Variants in FBXW10B observed in about 807,000 individuals in gnomAD.
FBXW10B encodes the protein F-box and WD repeat domain containing protein 10B.
the FBXW10B span, chr17:15,612,781 C>A: frequency 2.5e-6 from 4 of 1,614,026 alleles, no homozygotes; most frequent in Non-Finnish European, 2.5e-6. Context: ...GGGATAGAAA[C>A]CTTATTGGCA....
At chr17:15,606,498 G>A in the FBXW10B span, among the ~76,000 whole-genome samples, 54 of 150,056 alleles carry the variant, frequency 3.6e-4, no homozygotes, top group African/African-American at 1.2e-3. Flanking sequence ...CTGCAGCCCA[G>A]CCTGGACGAC....
chr17:15,603,377 A>G, the FBXW10B span, among the ~76,000 whole-genome samples: 2 of 152,066 alleles, frequency 1.3e-5, no homozygotes, highest in South Asian at 4.1e-4. Context: ...CACACAAGTC[A>G]ATGCTTTATA....
the FBXW10B span, chr17:15,613,937 T>C: frequency 2.5e-6 from 4 of 1,598,306 alleles, no homozygotes; most frequent in Non-Finnish European, 3.4e-6. Context: ...AACCAATAGA[T>C]TGCAGGGATC....
At chr17:15,575,267 A>G in the FBXW10B span, among the ~76,000 whole-genome samples, 3 of 144,074 alleles carry the variant, frequency 2.1e-5, no homozygotes, top group Admixed American at 2.0e-4. Context: ...TTTCTATCTT[A>G]TGGTCTTCCG....
At chr17:15,606,981 GTC>G in the FBXW10B span, among the ~76,000 whole-genome samples, 1 of 152,260 alleles carries the variant, frequency 6.6e-6, no homozygotes, top group South Asian at 2.1e-4. Flanking sequence ...AAGGACCTTC[GTC>G]TCTCGGCATA....
At chr17:15,591,376 G>C in the FBXW10B span, among the ~76,000 whole-genome samples, 1 of 151,996 alleles carries the variant, frequency 6.6e-6, no homozygotes, top group African/African-American at 2.4e-5. Flanking sequence ...TGCAACCTCC[G>C]CCTCCTGGGT....
At chr17:15,615,801 G>C in the FBXW10B span, 7 of 1,613,876 alleles carry the variant, frequency 4.3e-6, no homozygotes, top group Non-Finnish European at 5.9e-6. Flanking sequence ...GTGATGTCTT[G>C]ATTGAGCCCT....
chr17:15,588,938 C>T, the FBXW10B span: 14 of 1,613,660 alleles, frequency 8.7e-6, no homozygotes, highest in Non-Finnish European at 1.2e-5. Context: ...CTCACAGGAG[C>T]CCTGGGGCTC....
At chr17:15,611,772 G>T in the FBXW10B span, among the ~76,000 whole-genome samples, 1 of 152,132 alleles carries the variant, frequency 6.6e-6, no homozygotes, top group Non-Finnish European at 1.5e-5. Flanking sequence ...CAGGTGGGGG[G>T]GCGCAGAAAT....
At chr17:15,578,813 T>A in the FBXW10B span, among the ~76,000 whole-genome samples, 1 of 152,138 alleles carries the variant, frequency 6.6e-6, no homozygotes, top group East Asian at 1.9e-4. Flanking sequence ...AATTCAGGGG[T>A]CACCACGTAC....
chr17:15,584,968 C>CT, the FBXW10B span, among the ~76,000 whole-genome samples: 75,450 of 125,998 alleles, frequency 0.6, 26,151 homozygotes, highest in Non-Finnish European at 0.78. Context: ...CCTTCTTCTT[C>CT]TTTTTTTTTT....
the FBXW10B span, among the ~76,000 whole-genome samples, chr17:15,582,883 T>G: frequency 6.6e-6 from 1 of 151,568 alleles, no homozygotes; most frequent in Non-Finnish European, 1.5e-5. Context: ...GAAGATAGAT[T>G]AAAGATACAA....
the FBXW10B span, among the ~76,000 whole-genome samples, chr17:15,608,081 T>C: frequency 1.3e-5 from 2 of 151,836 alleles, no homozygotes; most frequent in Non-Finnish European, 2.9e-5. Context: ...ATATTACATC[T>C]ACCTGATAGT....
chr17:15,593,691 C>G, the FBXW10B span, among the ~76,000 whole-genome samples: 213 of 147,922 alleles, frequency 1.4e-3, no homozygotes, highest in African/African-American at 5.0e-3. Flanking sequence ...TGCAACGGTG[C>G]GATCTTGGCT....
At chr17:15,594,204 G>A in the FBXW10B span, among the ~76,000 whole-genome samples, 1 of 152,028 alleles carries the variant, frequency 6.6e-6, no homozygotes, top group Admixed American at 6.5e-5. Flanking sequence ...TGGGCAAGGT[G>A]GCTCACGCCT....
the FBXW10B span, among the ~76,000 whole-genome samples, chr17:15,600,534 T>C: frequency 6.7e-5 from 10 of 149,062 alleles, no homozygotes; most frequent in Non-Finnish European, 1.3e-4. Flanking sequence ...TTTAGAAAAA[T>C]AGGAAAAGAA....
the FBXW10B span, among the ~76,000 whole-genome samples, chr17:15,585,564 G>A: frequency 2.6e-5 from 4 of 152,330 alleles, no homozygotes; most frequent in South Asian, 8.3e-4. Context: ...GCCAAATCAG[G>A]ACTGTGAAGT....
chr17:15,595,529 T>C, the FBXW10B span, among the ~76,000 whole-genome samples: 1 of 152,122 alleles, frequency 6.6e-6, no homozygotes, highest in South Asian at 2.1e-4. Flanking sequence ...GAAATCACTG[T>C]CCTTTGCTGT....
the FBXW10B span, among the ~76,000 whole-genome samples, chr17:15,566,967 T>C: frequency 6.6e-6 from 1 of 151,910 alleles, no homozygotes; most frequent in Non-Finnish European, 1.5e-5. Context: ...ATGCTACACA[T>C]ATTTTTGAAA....
Sources: allele counts gnomAD v4.1 joint callset (sites outside exome capture counted in the v4.1 genomes callset), GRCh38; gene constraint gnomAD v4.1.1; transcripts MANE v1.5; gene names NCBI Gene and HGNC (gene_info 2026-07-23, HGNC 2026-07-21).